POU2F2: variants seen among roughly 807,000 people sequenced by gnomAD.
POU2F2 encodes the protein POU class 2 homeobox 2.
POU2F2 carries 14 observed loss-of-function variants against 63.5 expected under a neutral mutation model. That is an observed-to-expected ratio of 0.22 (90% CI 0.15 to 0.34). The LOEUF is 0.34. POU2F2 is among the 10% of genes least tolerant of loss of function. The probability of loss-of-function intolerance (pLI) is 1.00; values close to 1 mark genes in which losing one functional copy is unlikely to be tolerated. For missense variants in POU2F2, 607 were observed against 815.2 expected, an observed-to-expected ratio of 0.74 and a Z score of 3.11; for synonymous variants, 306 against 348.6, an observed-to-expected ratio of 0.88 and a Z score of 1.36.
chr19:42,174,468 C>T (rs1005726263), intron 1 of POU2F2, among the ~76,000 whole-genome samples: 1 of 151,978 alleles, frequency 6.6e-6, no homozygotes, highest in Admixed American at 6.5e-5. Context: ...GCACACATAG[C>T]GAGTGATACA....
intron 1 of POU2F2, among the ~76,000 whole-genome samples, chr19:42,193,482 G>A (rs1381419993): frequency 1.3e-5 from 2 of 152,164 alleles, no homozygotes; most frequent in East Asian, 3.8e-4. Flanking sequence ...GAGTGATGCT[G>A]CCACAAGCCA....
intron 7 of POU2F2, among the ~76,000 whole-genome samples, chr19:42,099,163 G>A (rs779696432): frequency 1.4e-4 from 22 of 152,236 alleles, no homozygotes; most frequent in Non-Finnish European, 8.8e-5. Flanking sequence ...TTGCAGTGCT[G>A]GAAGAGGCCC....
chr19:42,114,584 C>T (rs978241297), intron 5 of POU2F2, among the ~76,000 whole-genome samples: 3 of 151,992 alleles, frequency 2.0e-5, no homozygotes, highest in African/African-American at 7.3e-5. Flanking sequence ...CTCTGGTGGC[C>T]GGGGTGGGAG....
At chr19:42,124,041 C>T (rs760348783) in intron 1 of POU2F2, among the ~76,000 whole-genome samples, 1 of 152,174 alleles carries the variant, frequency 6.6e-6, no homozygotes, top group African/African-American at 2.4e-5. Flanking sequence ...CAGTGGTTCA[C>T]GCCTGCAATC....
intron 1 of POU2F2, among the ~76,000 whole-genome samples, chr19:42,131,666 G>A (rs550920772): frequency 6.6e-6 from 1 of 152,218 alleles, no homozygotes; most frequent in African/African-American, 2.4e-5. Flanking sequence ...TGGTGGAGAA[G>A]GCATTTAATA....
chr19:42,185,555 A>G (rs900290993), intron 1 of POU2F2, among the ~76,000 whole-genome samples: 4 of 152,132 alleles, frequency 2.6e-5, no homozygotes, highest in South Asian at 2.1e-4. Context: ...CACTTCCTTG[A>G]ATCTGCCCTT....
At chr19:42,187,581 G>T (rs921299086) in intron 1 of POU2F2, among the ~76,000 whole-genome samples, 3 of 151,694 alleles carry the variant, frequency 2.0e-5, no homozygotes, top group African/African-American at 7.3e-5. Context: ...GGCAAACATG[G>T]TGAAACCCCA....
chr19:42,181,571 C>CATTTATTT (rs143264132), intron 1 of POU2F2, among the ~76,000 whole-genome samples: 20,748 of 148,296 alleles, frequency 0.14, 2,366 homozygotes, highest in African/African-American at 0.31. Flanking sequence ...TCTGAACATA[C>CATTTATTT]ATTTATTTAT....
chr19:42,127,600 C>A (rs960568213), intron 1 of POU2F2, among the ~76,000 whole-genome samples: 2 of 152,058 alleles, frequency 1.3e-5, no homozygotes, highest in African/African-American at 4.8e-5. Flanking sequence ...CCAGGATGGT[C>A]TCAATCTCCT....
intron 5 of POU2F2, among the ~76,000 whole-genome samples, chr19:42,103,893 A>G (rs2146415695): frequency 6.6e-6 from 1 of 151,574 alleles, no homozygotes; most frequent in East Asian, 2.0e-4. Context: ...TCGGCCTCCC[A>G]AAGAGCTGGG....
At chr19:42,094,720 T>G (rs2076853597) in intron 11 of POU2F2, among the ~76,000 whole-genome samples, 1 of 152,224 alleles carries the variant, frequency 6.6e-6, no homozygotes, top group African/African-American at 2.4e-5. Context: ...TGCCTTCTTG[T>G]GGCTGGCTAA....
Position 42,095,115 on chromosome 19 carries a change from T to C in POU2F2, c.1197+171A>G, listed in dbSNP as rs1304521475. Among the ~76,000 whole-genome samples the C allele has an allele frequency of 1.3e-5, 2 of 152,200 alleles. No individual in the cohort carries two copies. The highest frequency in any genetic ancestry group is 1.5e-5 in the Non-Finnish European group (1 of 68,030). On this transcript the variant is annotated intron_variant, in intron 11 of 14. Transcript: ENST00000692977. This position sits in a 1 kb window ranked among gnomAD's most constrained non-coding sequence, Gnocchi z 7.1. ...TGTATCCCCCATGTAAGACCACAGT[T>C]CCCTGGAAACCGTCCCTGTGTAACT...
chr19:42,162,050 T>C lies in POU2F2; in HGVS notation c.-69-1658A>G, dbSNP rs1444924138. ...GGCGACACGGCATTAACCGTCAATA[T>C]TGGTGTAAGTGATGGGGTGGGCGAG... On this transcript the variant is annotated intron_variant, in intron 1 of 6. Transcript: ENST00000524801. The surrounding 1 kb of genome is among the most constrained non-coding windows in gnomAD (Gnocchi z 4.1). Among the ~76,000 whole-genome samples, 4 of 152,110 alleles carry C rather than the reference T, an allele frequency of 2.6e-5. No homozygotes were observed. Among genetic ancestry groups the C allele is most frequent in the African/African-American group, 7.2e-5 (3 of 41,432 alleles).
chr19:42,138,256 A>G (rs2034058614), intron 2 of POU2F2, among the ~76,000 whole-genome samples: 2 of 152,196 alleles, frequency 1.3e-5, no homozygotes, highest in South Asian at 4.1e-4. Flanking sequence ...AATGTGGGGC[A>G]TGGGAGTCAC....
Position 42,092,332 on chromosome 19 carries a change from T to G in POU2F2, c.1265-62A>C, listed in dbSNP as rs945961132. On this transcript the variant is annotated intron_variant, in intron 12 of 14. Coordinates refer to ENST00000692977, the MANE Select transcript of POU2F2 (RefSeq NM_001394376.1). This position sits in a 1 kb window ranked among gnomAD's most constrained non-coding sequence, Gnocchi z 5.0. Reference sequence around the variant, plus strand: ...TCCACTCGTCCCCCACTGAGGAACCTGGGGTCAGCTCCTACTTGTCCTCCC... The same window carrying G: ...TCCACTCGTCCCCCACTGAGGAACCGGGGGTCAGCTCCTACTTGTCCTCCC... 5.2e-5 allele frequency: 68 copies of G among 1,296,628 alleles called. No homozygotes were observed. Among genetic ancestry groups the G allele is most frequent in the Non-Finnish European group, 7.3e-5 (67 of 916,106 alleles). The allele number at this position is 1,296,628 out of a possible 1,614,324, so 80.3% of individuals were successfully genotyped here.
At chr19:42,175,535 T>C (rs2034857556) in intron 1 of POU2F2, among the ~76,000 whole-genome samples, 3 of 142,430 alleles carry the variant, frequency 2.1e-5, no homozygotes, top group African/African-American at 7.9e-5. Flanking sequence ...ATAAGGGAGG[T>C]AGAAAAAGAA....
At chr19:42,135,739 ACT>A (rs1451610922), upstream of POU2F2, among the ~76,000 whole-genome samples, 1 of 140,120 alleles carries the variant, frequency 7.1e-6, no homozygotes, top group African/African-American at 2.7e-5. Context: ...ACAGAGTCTC[ACT>A]CTGTCGCTCA....
intron 2 of POU2F2, among the ~76,000 whole-genome samples, chr19:42,154,762 TCA>T (rs144313465): frequency 6.0e-5 from 9 of 149,962 alleles, no homozygotes; most frequent in South Asian, 2.1e-4. Flanking sequence ...GTGATGTCTC[TCA>T]CACACACACA....
chr19:42,150,775 C>T (rs970327530), intron 2 of POU2F2, among the ~76,000 whole-genome samples: 3 of 151,982 alleles, frequency 2.0e-5, no homozygotes, highest in Admixed American at 2.0e-4. Flanking sequence ...TTTTTTAAAA[C>T]TCGCTGCACT....
Sources: allele counts gnomAD v4.1 joint callset (sites outside exome capture counted in the v4.1 genomes callset), GRCh38; gene constraint gnomAD v4.1.1; non-coding constraint Gnocchi (gnomAD v3.1); transcripts MANE v1.5; gene names NCBI Gene and HGNC (gene_info 2026-07-23, HGNC 2026-07-21).